Variants in FLYWCH1 observed in about 807,000 individuals in gnomAD.
The protein encoded by FLYWCH1 is FLYWCH-type zinc finger-containing protein 1.
Under a neutral mutation model 66.4 loss-of-function variants are expected in FLYWCH1, and 75 were observed. The ratio of observed to expected loss-of-function variants is 1.13; its 90% CI spans 0.94 to 1.37. FLYWCH1 has a LOEUF of 1.37. Ranked by LOEUF, FLYWCH1 falls within the 40% of genes most tolerant of loss-of-function variation. The pLI, the probability that FLYWCH1 is intolerant of heterozygous loss-of-function variation, is 0.00. For synonymous variants in FLYWCH1, 595 were observed against 429.9 expected, an observed-to-expected ratio of 1.38 and a Z score of -4.75; for missense variants, 1,334 against 1,001.8, an observed-to-expected ratio of 1.33 and a Z score of -4.48.
chr16:2,938,583 A>C (rs1447460478), intron 8 of FLYWCH1, 127 bp downstream of exon 8: 43 of 815,314 alleles, frequency 5.3e-5, no homozygotes, highest in Non-Finnish European at 5.9e-5. Context: ...TTATTCATAT[A>C]AACAGAATGT....
At chr16:2,922,712 T>C in intron 2 of FLYWCH1, 1 of 496,730 alleles carries the variant, frequency 2.0e-6, no homozygotes, top group South Asian at 1.5e-5. Context: ...CAGGAGCCAG[T>C]GGAACATGTG....
Position 2,938,322 on chromosome 16 carries a change from G to T in FLYWCH1, c.1916G>T (p.Cys639Phe), listed in dbSNP as rs778837746. The T allele has an allele frequency of 1.2e-6, 2 of 1,607,672 alleles. No individual in the cohort carries two copies. The highest frequency in any genetic ancestry group is 1.7e-6 in the Non-Finnish European group (2 of 1,177,176). Residue 639 changes from cysteine (C) to phenylalanine (F), a missense_variant, in exon 8 of 10, where the codon TGC becomes TTC. Cys to Phe is a radical substitution (Grantham distance 205). Transcript: ENST00000253928. The stretch of plus-strand genomic sequence containing the variant: ...TGCCGGGACCAGGCTCGGCTGGGCT[G>T]CCGCAGCCGCGCCATAACCCAGGGC... ...WMCRDQARLG[C>F]RSRAITQGHR...
intron 4 of FLYWCH1, among the ~76,000 whole-genome samples, chr16:2,932,103 G>C (rs2070781548): frequency 8.1e-6 from 1 of 123,008 alleles, no homozygotes. Flanking sequence ...GGGCAAAAGA[G>C]CAAGACTCTG....
intron 9 of FLYWCH1, chr16:2,943,314 T>C (rs567600753): frequency 1.3e-5 from 2 of 152,092 alleles, no homozygotes; most frequent in South Asian, 4.2e-4. Flanking sequence ...GAGGGGACTC[T>C]GGGGGCTTGT....
chr16:2,936,896 A>T, intron 6 of FLYWCH1: 1 of 664,106 alleles, frequency 1.5e-6, no homozygotes, highest in Non-Finnish European at 2.7e-6. Context: ...CTTGGCCGCC[A>T]CCTGCAGGGG....
intron 6 of FLYWCH1, chr16:2,936,738 C>G: frequency 2.1e-6 from 1 of 481,434 alleles, no homozygotes; most frequent in Non-Finnish European, 4.1e-6. Flanking sequence ...CCATCCGGCT[C>G]CTGAGCAGCT....
chr16:2,921,881 G>A (rs1297098273), intron 2 of FLYWCH1, among the ~76,000 whole-genome samples: 1 of 151,958 alleles, frequency 6.6e-6, no homozygotes, highest in Non-Finnish European at 1.5e-5. Context: ...GGCCAATATG[G>A]TGAAACCCCA....
At chr16:2,915,984 A>G (rs1277383777) in intron 2 of FLYWCH1, among the ~76,000 whole-genome samples, 1 of 152,144 alleles carries the variant, frequency 6.6e-6, no homozygotes, top group African/African-American at 2.4e-5. Flanking sequence ...AATAGTACTG[A>G]TTCACCAGAT....
At chr16:2,932,080 C>T (rs956969632) in intron 4 of FLYWCH1, among the ~76,000 whole-genome samples, 28 of 144,024 alleles carry the variant, frequency 1.9e-4, no homozygotes, top group South Asian at 6.6e-4. Flanking sequence ...ATCGTGCCAC[C>T]GCACTCCAGC....
chr16:2,928,386 A>G (rs1429674254), intron 2 of FLYWCH1, among the ~76,000 whole-genome samples: 1 of 151,894 alleles, frequency 6.6e-6, no homozygotes, highest in Non-Finnish European at 1.5e-5. Flanking sequence ...GTGGGGGGAA[A>G]CCTTGGACAA....
chr16:2,948,868 A>C lies in FLYWCH1; in HGVS notation c.*141A>C, dbSNP rs754313251. 7.1e-6 allele frequency: 5 copies of C among 701,676 alleles called. No individual in the cohort carries two copies. The South Asian group carries it at 8.4e-5, about 12-fold the overall frequency. 43.5% of individuals were successfully genotyped at this position (701,676 alleles called of 1,614,324 possible). A position where few individuals can be genotyped will look rare whatever the true frequency, so the allele number is the denominator to read the frequency against. ...GCATCGATGGTCTTCGCGTCTCCTC[A>C]GGAGGTCTCCCAGGAGGAATTCTTG... On this transcript the variant is annotated 3_prime_UTR_variant, in exon 10 of 10. Transcript: ENST00000253928.
rs1184112985 is a variant in FLYWCH1, at chr16:2,933,835, C to T, written c.1369C>T (p.Arg457Cys). The change falls in exon 6 of 10, where the codon CGC becomes TGC. Residue 457 changes from arginine to cysteine, a missense_variant. Arg to Cys is a radical substitution (Grantham distance 180). Transcript: ENST00000253928. The part of the protein sequence containing the change: ...KVYWTCRDQA[R>C]MGCRSRAITQ... ...GTATTGGACCTGCCGGGACCAGGCC[C>T]GCATGGGCTGCCGCAGCCGCGCCAT... 4.4e-6 allele frequency: 7 copies of T among 1,608,552 alleles called. No homozygotes were observed. Among genetic ancestry groups the T allele is most frequent in the African/African-American group, 1.3e-5 (1 of 74,782 alleles).
chr16:2,929,951 G>T lies in FLYWCH1; in HGVS notation c.266G>T (p.Gly89Val), dbSNP rs756807311. ...TLQILPVEEQ[G>V]GVVQPALEMP... Reference sequence around the variant, plus strand: ...CAGATCCTGCCAGTTGAGGAGCAGGGAGGGGTGGTCCAGCCAGCCCTAGAG... The same window carrying T: ...CAGATCCTGCCAGTTGAGGAGCAGGTAGGGGTGGTCCAGCCAGCCCTAGAG... The change falls in exon 3 of 10, where the codon GGA becomes GTA. Residue 89 changes from glycine (G) to valine (V), a missense_variant. Coordinates refer to ENST00000253928, the MANE Select transcript of FLYWCH1 (RefSeq NM_001308068.2). 1.3e-5 allele frequency: 21 copies of T among 1,613,270 alleles called. No individual in the cohort carries two copies. The highest frequency in any genetic ancestry group is 1.7e-5 in the Admixed American group (1 of 60,006).
rs190036805 is a variant in FLYWCH1 at position 2,949,321 on chromosome 16, G to A, written c.*594G>A. The A allele has an allele frequency of 4.3e-3, 654 of 152,942 alleles. 17 individuals are homozygous for A. The highest frequency in any genetic ancestry group is 0.04 in the Admixed American group (609 of 15,366). 9.5% of individuals were successfully genotyped at this position (152,942 alleles called of 1,614,324 possible). The stretch of plus-strand genomic sequence containing the variant: ...CTGGCCAAACCAGAGGCCTCGCTCC[G>A]CACTCCACACTTTCCTTTCTGTGCT... On this transcript the variant is annotated 3_prime_UTR_variant, in exon 10 of 10. Coordinates refer to ENST00000253928, the MANE Select transcript of FLYWCH1 (RefSeq NM_001308068.2).
intron 5 of FLYWCH1, 41 bp from the exon 6 acceptor site, chr16:2,933,675 G>A (rs1596378626): frequency 6.3e-7 from 1 of 1,592,134 alleles, no homozygotes; most frequent in East Asian, 2.3e-5. Context: ...GGCCTACCCA[G>A]CCCCTGTCCC....
intron 8 of FLYWCH1, 35 bp downstream of exon 8, chr16:2,938,491 G>A: frequency 6.7e-7 from 1 of 1,498,042 alleles, no homozygotes; most frequent in Non-Finnish European, 8.9e-7. Flanking sequence ...GCAGGGCTGT[G>A]GGCATCCTCA....
At position 2,933,289 on chromosome 16, in the gene FLYWCH1, A is replaced by C. The variant is rs2070842347; in HGVS notation, c.956A>C (p.Gln319Pro). ...GGCTGCCGGAGCCGGGCCATCACCC[A>C]GGGACAGCGGGTGACTGTGATGCGT... ...LHGCRSRAITQGQRVTVMRGH... is the reference protein window; with the variant it reads ...LHGCRSRAITPGQRVTVMRGH... Residue 319 changes from glutamine (Q) to proline (P), a missense_variant, in exon 5 of 10, where the codon CAG becomes CCG. Physicochemically the swap from Gln to Pro is moderately conservative, Grantham distance 76 (BLOSUM62 -1). Coordinates refer to ENST00000253928, the MANE Select transcript of FLYWCH1 (RefSeq NM_001308068.2). The C allele has an allele frequency of 6.2e-7, 1 of 1,612,436 alleles. No homozygotes were observed. The highest frequency in any genetic ancestry group is 1.7e-5 in the Admixed American group (1 of 59,860).
At chr16:2,936,934 G>T in intron 6 of FLYWCH1, 187 bp from the exon 7 acceptor site, 1 of 775,888 alleles carries the variant, frequency 1.3e-6, no homozygotes, top group Non-Finnish European at 2.1e-6. Flanking sequence ...CCAGCCTCAG[G>T]AGGCGGACCC....
chr16:2,947,247 G>T (rs564660276), intron 9 of FLYWCH1, among the ~76,000 whole-genome samples: 1 of 152,194 alleles, frequency 6.6e-6, no homozygotes, highest in Non-Finnish European at 1.5e-5. Flanking sequence ...ATGTAATTCT[G>T]TTCTTACGAA....
Sources: gnomAD v4.1 joint callset for allele counts (sites outside exome capture counted in the v4.1 genomes callset) on GRCh38, gnomAD v4.1.1 for gene constraint, MANE v1.5 for transcripts, NCBI Gene and HGNC (gene_info 2026-07-23, HGNC 2026-07-21) for gene names.